SRGAP1: variants seen among roughly 807,000 people sequenced by gnomAD.
The protein encoded by SRGAP1 is SLIT-ROBO Rho GTPase-activating protein 1.
In SRGAP1, 43 loss-of-function variants were observed where a neutral mutation model predicts 121.9. The observed-to-expected ratio is 0.35, with a 90% CI of 0.28 to 0.46. The LOEUF (loss-of-function observed/expected upper bound fraction) is 0.46, where lower values mean the gene tolerates loss of function less well. Ranked by LOEUF, SRGAP1 falls within the 20% of genes least tolerant of loss-of-function variation. SRGAP1 has a pLI of 1.00. For missense variants in SRGAP1, 1,102 were observed against 1,350.9 expected (o/e 0.82, Z 2.89); for synonymous variants, 447 against 485.4 (o/e 0.92, Z 1.04).
chr12:63,930,669 A>G (rs2031445271), intron 1 of SRGAP1, among the ~76,000 whole-genome samples: 1 of 152,194 alleles, frequency 6.6e-6, no homozygotes, highest in Non-Finnish European at 1.5e-5. Flanking sequence ...GAAAGAAACC[A>G]AATGTACCTC....
chr12:64,095,602 A>G (rs1045280097), intron 14 of SRGAP1, among the ~76,000 whole-genome samples: 1 of 152,136 alleles, frequency 6.6e-6, no homozygotes, highest in African/African-American at 2.4e-5. Context: ...CACGGTCCAC[A>G]GACTCCTTCC....
At chr12:63,859,040 A>G (rs190379584) in intron 1 of SRGAP1, among the ~76,000 whole-genome samples, 1 of 152,270 alleles carries the variant, frequency 6.6e-6, no homozygotes, top group Non-Finnish European at 1.5e-5. Flanking sequence ...TTCATTCTGT[A>G]TAAGATTTAA....
chr12:63,960,589 C>T (rs1165159928), intron 1 of SRGAP1, among the ~76,000 whole-genome samples: 1 of 152,082 alleles, frequency 6.6e-6, no homozygotes, highest in Non-Finnish European at 1.5e-5. Flanking sequence ...AATAATGGCT[C>T]CCCCAAAGAT....
chr12:64,042,532 T>G (rs909066308), intron 4 of SRGAP1, among the ~76,000 whole-genome samples: 1 of 152,174 alleles, frequency 6.6e-6, no homozygotes, highest in African/African-American at 2.4e-5. Context: ...TTGAAAAGTA[T>G]GCATAAGACT....
Position 64,079,114 on chromosome 12 carries a change from A to G in SRGAP1, c.1321A>G (p.Met441Val), listed in dbSNP as rs1234192611. ...NQQETEQFYF[M>V]KLREYLEGSN... ...GCAGGAAACTGAACAGTTCTACTTCATGGTGTGCCCGCCACTTCCCAAGCC... is the reference window on the plus strand; with the variant it reads ...GCAGGAAACTGAACAGTTCTACTTCGTGGTGTGCCCGCCACTTCCCAAGCC... The change falls in exon 9 of 22, where the codon ATG becomes GTG. Residue 441 changes from methionine (M) to valine (V), a missense_variant and splice_region_variant. Transcript: ENST00000355086. 1.2e-6 allele frequency: 2 copies of G among 1,609,092 alleles called. No homozygotes were observed. Among genetic ancestry groups the G allele is most frequent in the Non-Finnish European group, 8.5e-7 (1 of 1,178,330 alleles).
At chr12:63,919,130 GCAACCTCCGCCTCA>G (rs1326788627) in intron 1 of SRGAP1, among the ~76,000 whole-genome samples, 1 of 152,084 alleles carries the variant, frequency 6.6e-6, no homozygotes, top group African/African-American at 2.4e-5. Context: ...TCAGCTCACT[GCAACCTCCGCCTCA>G]CGGATTGGAG....
chr12:64,074,265 G>T (rs994390396), intron 8 of SRGAP1, among the ~76,000 whole-genome samples: 2 of 152,054 alleles, frequency 1.3e-5, no homozygotes, highest in African/African-American at 4.8e-5. Flanking sequence ...CGTGCTTTCT[G>T]TCTCTTTCCC....
chr12:64,025,033 C>A (rs2034622902), intron 4 of SRGAP1, among the ~76,000 whole-genome samples: 1 of 152,016 alleles, frequency 6.6e-6, no homozygotes, highest in Non-Finnish European at 1.5e-5. Flanking sequence ...TGGTACAAAC[C>A]CAGAGGTGGG....
chr12:63,870,604 C>G (rs922601969), intron 1 of SRGAP1, among the ~76,000 whole-genome samples: 6 of 141,534 alleles, frequency 4.2e-5, no homozygotes, highest in Non-Finnish European at 9.0e-5. Flanking sequence ...ATGGTGCGAT[C>G]TCAGCTGTCA....
Position 64,151,950 on chromosome 12 carries a change from T to C in SRGAP1, c.*9278T>C, listed in dbSNP as rs2037123708. 1 of 152,320 alleles carries C rather than the reference T, an allele frequency of 6.6e-6. No individual in the cohort carries two copies. The highest frequency in any genetic ancestry group is 2.4e-5 in the African/African-American group (1 of 41,460). The allele number at this position is 152,320 out of a possible 1,614,324, so 9.4% of individuals were successfully genotyped here. ...GCCTATCTCTGCTCTAAGCTAATTC[T>C]GTGCACCATTCCCCTTGCCACAACG... On this transcript the variant is annotated 3_prime_UTR_variant, in exon 22 of 22. Coordinates refer to ENST00000355086, the MANE Select transcript of SRGAP1 (RefSeq NM_020762.4).
chr12:63,985,437 A>T (rs1490975353), intron 2 of SRGAP1, among the ~76,000 whole-genome samples: 3 of 152,132 alleles, frequency 2.0e-5, no homozygotes, highest in Non-Finnish European at 4.4e-5. Flanking sequence ...CCTTTTCCTG[A>T]GGGCATGAGA....
chr12:63,979,190 C>T (rs564285939), intron 1 of SRGAP1, among the ~76,000 whole-genome samples: 1 of 152,086 alleles, frequency 6.6e-6, no homozygotes, highest in South Asian at 2.1e-4. Flanking sequence ...CAGGTGCACA[C>T]CACCACGCCC....
At chr12:64,059,499 C>T (rs1342733923) in intron 6 of SRGAP1, among the ~76,000 whole-genome samples, 1 of 151,948 alleles carries the variant, frequency 6.6e-6, no homozygotes, top group African/African-American at 2.4e-5. Flanking sequence ...CCGTTGGAAT[C>T]AATACTCATA....
intron 10 of SRGAP1, among the ~76,000 whole-genome samples, chr12:64,084,304 A>AT (rs1277585146): frequency 2.0e-5 from 3 of 152,070 alleles, no homozygotes; most frequent in African/African-American, 7.2e-5. Context: ...AGCCTGGGTT[A>AT]TTTTTTTCCT....
chr12:64,004,172 G>C (rs1221914676), intron 3 of SRGAP1, among the ~76,000 whole-genome samples: 2 of 152,018 alleles, frequency 1.3e-5, no homozygotes, highest in Non-Finnish European at 2.9e-5. Flanking sequence ...AAATATTCCA[G>C]TTTGGCTTGT....
Position 64,091,310 on chromosome 12 carries a change from AG to A in SRGAP1, c.1473del (p.Lys492SerfsTer89), listed in dbSNP as rs2036046657. The A allele has an allele frequency of 6.2e-7, 1 of 1,610,106 alleles. No homozygotes were observed. The highest frequency in any genetic ancestry group is 8.5e-7 in the Non-Finnish European group (1 of 1,177,682). On this transcript the variant is annotated frameshift_variant, in exon 12 of 22. Coordinates refer to ENST00000355086, the MANE Select transcript of SRGAP1 (RefSeq NM_020762.4). LOFTEE classifies it high-confidence loss of function. Reference sequence around the variant, plus strand: ...TGTTCCCCCTAAGCCCCAGAAACACAGGAAGTCCAGGCCCCGCTCACAGTAT... The same window carrying A: ...TGTTCCCCCTAAGCCCCAGAAACACAGAAGTCCAGGCCCCGCTCACAGTAT... Reference protein sequence around the residue: ...PNVPPKPQKHRKSRPRSQYNT... With the variant: ...PNVPPKPQKHXKSRPRSQYNT...
At chr12:64,128,757 T>C (rs2036739662) in intron 21 of SRGAP1, among the ~76,000 whole-genome samples, 1 of 152,194 alleles carries the variant, frequency 6.6e-6, no homozygotes. Context: ...TGATCAATAA[T>C]AGATAGATAT....
At chr12:63,849,910 A>G (rs74991799) in intron 1 of SRGAP1, among the ~76,000 whole-genome samples, 6,020 of 152,342 alleles carry the variant, frequency 0.04, 152 homozygotes, top group Middle Eastern at 0.088. Flanking sequence ...AATAGGAGAT[A>G]GAACAGTTAC....
chr12:63,946,436 C>T (rs116471054), intron 1 of SRGAP1, among the ~76,000 whole-genome samples: 1 of 151,954 alleles, frequency 6.6e-6, no homozygotes, highest in East Asian at 1.9e-4. Flanking sequence ...TAAATTTTAT[C>T]ATGCCCCTTT....
Sources: allele counts gnomAD v4.1 joint callset (sites outside exome capture counted in the v4.1 genomes callset), GRCh38; gene constraint gnomAD v4.1.1; transcripts MANE v1.5; gene names NCBI Gene and HGNC (gene_info 2026-07-23, HGNC 2026-07-21).